The following KCND2 variants were observed in gnomAD, a reference collection of about 807,000 sequenced individuals.
The protein encoded by KCND2 is A-type voltage-gated potassium channel KCND2.
A neutral mutation model predicts 54.4 loss-of-function variants in KCND2; 16 were observed. That is an observed-to-expected ratio of 0.29 (90% CI 0.20 to 0.45). The LOEUF (loss-of-function observed/expected upper bound fraction) is 0.45, where lower values mean the gene tolerates loss of function less well. Ranked by LOEUF, KCND2 falls within the 20% of genes least tolerant of loss-of-function variation. The pLI is 1.00. For synonymous variants in KCND2, 317 were observed against 310.7 expected (o/e 1.02, Z -0.21); for missense variants, 486 against 824.2 (o/e 0.59, Z 5.02).
chr7:120,641,282 A>G (rs1046941881), intron 1 of KCND2, among the ~76,000 whole-genome samples: 6 of 152,182 alleles, frequency 3.9e-5, no homozygotes, highest in Non-Finnish European at 8.8e-5. Context: ...ATTGAACTAG[A>G]GGAGAACACA....
In KCND2 at chr7:120,351,280, T is replaced by G. The variant is rs144350392; in HGVS notation, c.1115+75533T>G. ...TATATATATATATCCAGTATATTAT[T>G]TCAGGTTATATATTATGTATCATAC... On this transcript the variant is annotated intron_variant, in intron 1 of 5. Coordinates refer to ENST00000331113, the MANE Select transcript of KCND2 (RefSeq NM_012281.3). Among the ~76,000 whole-genome samples the G allele has an allele frequency of 8.3e-4, 118 of 142,464 alleles. No homozygotes were observed. In the Middle Eastern group the frequency reaches 0.011, roughly 13 times the overall value. 93.5% of individuals were successfully genotyped at this position (142,464 alleles called of 152,430 possible). A position where few individuals can be genotyped will look rare whatever the true frequency, so the allele number is the denominator to read the frequency against.
At chr7:120,614,829 G>A (rs1458870709) in intron 1 of KCND2, among the ~76,000 whole-genome samples, 1 of 152,188 alleles carries the variant, frequency 6.6e-6, no homozygotes, top group Non-Finnish European at 1.5e-5. Context: ...TAAAACAAGA[G>A]ACTTCAAAGA....
intron 1 of KCND2, among the ~76,000 whole-genome samples, chr7:120,349,973 A>G (rs1451906422): frequency 6.6e-6 from 1 of 152,036 alleles, no homozygotes; most frequent in Non-Finnish European, 1.5e-5. Context: ...TATTTTTGAT[A>G]TGTATATATA....
chr7:120,495,375 G>A (rs987528293), intron 1 of KCND2, among the ~76,000 whole-genome samples: 1 of 151,652 alleles, frequency 6.6e-6, no homozygotes, highest in Non-Finnish European at 1.5e-5. Context: ...GTATGATCTA[G>A]CTCTTTGATG....
rs541283268 is a variant in KCND2, at chr7:120,725,903, A to G, written c.1116-7000A>G. Among the ~76,000 whole-genome samples, 185 of 152,294 alleles carry G rather than the reference A, an allele frequency of 1.2e-3. 1 individual carries two copies. Among genetic ancestry groups the G allele is most frequent in the Middle Eastern group, 3.4e-3 (1 of 294 alleles). On this transcript the variant is annotated intron_variant, in intron 1 of 5. Transcript: ENST00000331113. ...TTCCCTGACTCCCTTGAATTTATCC[A>G]CGCACTCCTTGAAAGTTCATAGACT...
intron 1 of KCND2, among the ~76,000 whole-genome samples, chr7:120,587,266 T>C (rs2116452520): frequency 6.6e-6 from 1 of 152,240 alleles, no homozygotes; most frequent in South Asian, 2.1e-4. Flanking sequence ...TACTTCAAAA[T>C]ATACCAAATC....
At chr7:120,443,963 G>T (rs966088171) in intron 1 of KCND2, among the ~76,000 whole-genome samples, 1 of 152,012 alleles carries the variant, frequency 6.6e-6, no homozygotes, top group Non-Finnish European at 1.5e-5. Flanking sequence ...TTCAAGATCT[G>T]CTCTTGAACT....
chr7:120,308,076 T>G (rs1799674249), intron 1 of KCND2, among the ~76,000 whole-genome samples: 1 of 152,064 alleles, frequency 6.6e-6, no homozygotes, highest in Non-Finnish European at 1.5e-5. Context: ...AATTTGACAT[T>G]GCAGCTGCTG....
chr7:120,295,722 A>G (rs535757869), intron 1 of KCND2, among the ~76,000 whole-genome samples: 1 of 152,174 alleles, frequency 6.6e-6, no homozygotes, highest in African/African-American at 2.4e-5. Context: ...TAAGATTTTT[A>G]CCTGGATCCT....
At chr7:120,344,592 C>G (rs1800287305) in intron 1 of KCND2, among the ~76,000 whole-genome samples, 1 of 152,126 alleles carries the variant, frequency 6.6e-6, no homozygotes, top group African/African-American at 2.4e-5. Flanking sequence ...ATTAATCGTA[C>G]TAGATTACTA....
chr7:120,314,404 T>C (rs1053754297), intron 1 of KCND2, among the ~76,000 whole-genome samples: 4 of 152,098 alleles, frequency 2.6e-5, no homozygotes, highest in African/African-American at 9.7e-5. Flanking sequence ...TCTCTTTTTT[T>C]CCCTAACTCT....
At chr7:120,741,437 A>C in intron 2 of KCND2, 97 bp from the exon 3 acceptor site, 2 of 846,838 alleles carry the variant, frequency 2.4e-6, no homozygotes, top group South Asian at 2.9e-5. Context: ...ACTTTTAAAA[A>C]TATGTAGGCT....
intron 1 of KCND2, among the ~76,000 whole-genome samples, chr7:120,585,049 C>T (rs1474190940): frequency 6.6e-6 from 1 of 152,138 alleles, no homozygotes; most frequent in Non-Finnish European, 1.5e-5. Flanking sequence ...TTAGACAGGG[C>T]TTTTTCTAAC....
intron 1 of KCND2, among the ~76,000 whole-genome samples, chr7:120,480,935 G>C (rs1456235128): frequency 6.6e-6 from 1 of 152,184 alleles, no homozygotes; most frequent in African/African-American, 2.4e-5. Context: ...ATTTGGAGGA[G>C]TGGGTTTAAA....
At chr7:120,733,141 T>G (rs897270948) in intron 2 of KCND2, 76 bp downstream of exon 2, 20 of 1,454,634 alleles carry the variant, frequency 1.4e-5, no homozygotes, top group Non-Finnish European at 1.5e-5. Flanking sequence ...TTCTTAATGG[T>G]TATTCAGTGC....
At chr7:120,307,244 G>T (rs6961569) in intron 1 of KCND2, among the ~76,000 whole-genome samples, 185 of 151,800 alleles carry the variant, frequency 1.2e-3, no homozygotes, top group African/African-American at 4.2e-3. Context: ...TCAAATAAGG[G>T]GAATAATAAC....
intron 1 of KCND2, among the ~76,000 whole-genome samples, chr7:120,637,529 C>T (rs1207515450): frequency 1.3e-5 from 2 of 152,092 alleles, no homozygotes; most frequent in Non-Finnish European, 1.5e-5. Context: ...GTAATTCTTT[C>T]ATTGACACCA....
intron 1 of KCND2, among the ~76,000 whole-genome samples, chr7:120,548,310 C>G (rs749976155): frequency 6.6e-6 from 1 of 152,102 alleles, no homozygotes; most frequent in Non-Finnish European, 1.5e-5. Flanking sequence ...GGAAGATAGT[C>G]TTATTTCTGA....
intron 1 of KCND2, among the ~76,000 whole-genome samples, chr7:120,686,537 A>G (rs1296694301): frequency 6.6e-6 from 1 of 152,168 alleles, no homozygotes; most frequent in African/African-American, 2.4e-5. Flanking sequence ...TTAGAGCAGG[A>G]GCGAAAGTTT....
Sources: allele counts gnomAD v4.1 joint callset (sites outside exome capture counted in the v4.1 genomes callset), GRCh38; gene constraint gnomAD v4.1.1; transcripts MANE v1.5; gene names NCBI Gene and HGNC (gene_info 2026-07-23, HGNC 2026-07-21).